The following CEP192 variants were observed in gnomAD, a reference collection of about 807,000 sequenced individuals.
The protein encoded by CEP192 is centrosomal protein 192, also known as centrosomal protein of 192 kDa.
CEP192 carries 151 observed loss-of-function variants against 271.8 expected under a neutral mutation model. The observed-to-expected ratio is 0.56, with a 90% CI of 0.49 to 0.64. CEP192 has a LOEUF of 0.64. Among genes scored for constraint, CEP192 ranks in the 30% least tolerant of loss-of-function variants. CEP192 has a pLI of 0.00. For synonymous variants in CEP192, 995 were observed against 1,076.5 expected (o/e 0.92, Z 1.48); for missense variants, 2,910 against 3,020.5 (o/e 0.96, Z 0.86).
chr18:13,091,789 T>C (rs2039159449), intron 33 of CEP192, among the ~76,000 whole-genome samples: 1 of 152,206 alleles, frequency 6.6e-6, no homozygotes, highest in South Asian at 2.1e-4. Context: ...TTCATTAATC[T>C]ATAAATATTT....
rs2039393129 is a variant in CEP192, at chr18:13,096,246, G to C, written c.6496G>C (p.Glu2166Gln). 6.2e-7 allele frequency: 1 copy of C among 1,614,072 alleles called. No individual in the cohort carries two copies. Among genetic ancestry groups the C allele is most frequent in the African/African-American group, 1.3e-5 (1 of 74,948 alleles). The change falls in exon 36 of 45, where the codon GAG becomes CAG. Residue 2166 changes from glutamate (E) to glutamine (Q), a missense_variant. Glu to Gln is a conservative substitution (Grantham distance 29, BLOSUM62 2). Transcript: ENST00000506447. Reference protein sequence around the residue: ...VNNSVRLLRFELCWPAHCLTV... With the variant: ...VNNSVRLLRFQLCWPAHCLTV... ...TAACTCTGTGAGGTTACTGAGATTT[G>C]AGCTGTGCTGGCCAGCGCATTGCCT...
At chr18:13,102,343 G>T (rs2039748299) in intron 38 of CEP192, among the ~76,000 whole-genome samples, 1 of 151,884 alleles carries the variant, frequency 6.6e-6, no homozygotes, top group African/African-American at 2.4e-5. Context: ...GGCTTCCTGT[G>T]GTCCCCTCTC....
intron 30 of CEP192, among the ~76,000 whole-genome samples, chr18:13,081,232 T>C (rs2038590247): frequency 6.6e-6 from 1 of 152,248 alleles, no homozygotes; most frequent in Admixed American, 6.5e-5. Context: ...CTCCTCTTTG[T>C]ACCTCTGGTA....
intron 42 of CEP192, among the ~76,000 whole-genome samples, chr18:13,114,497 A>G (rs1598642072): frequency 6.6e-6 from 1 of 152,116 alleles, no homozygotes; most frequent in Non-Finnish European, 1.5e-5. Context: ...ATGTATGTAT[A>G]TATTCTTTGT....
chr18:13,019,028 T>G, intron 8 of CEP192, 54 bp from the exon 9 acceptor site: 1 of 1,444,636 alleles, frequency 6.9e-7, no homozygotes, highest in South Asian at 1.4e-5. Flanking sequence ...AGTTATTATG[T>G]TAGATTACTC....
intron 36 of CEP192, 137 bp downstream of exon 36, chr18:13,096,444 G>A (rs947043104): frequency 1.9e-6 from 2 of 1,070,870 alleles, no homozygotes; most frequent in African/African-American, 1.6e-5. Flanking sequence ...GCATGTGCAT[G>A]GTTCTGCAGG....
intron 33 of CEP192, 45 bp from the exon 34 acceptor site, chr18:13,092,332 C>T (rs771942128): frequency 2.9e-4 from 379 of 1,308,856 alleles, no homozygotes; most frequent in Non-Finnish European, 3.8e-4. Flanking sequence ...TTGTGGTATG[C>T]TTGTGTGAAC....
intron 44 of CEP192, among the ~76,000 whole-genome samples, chr18:13,118,103 TC>T (rs1367268631): frequency 6.6e-6 from 1 of 152,200 alleles, no homozygotes; most frequent in Non-Finnish European, 1.5e-5. Context: ...TCCTTACTGT[TC>T]TTAATCAGGG....
At chr18:12,995,198 AC>A (rs1303262088) in intron 1 of CEP192, among the ~76,000 whole-genome samples, 3 of 151,492 alleles carry the variant, frequency 2.0e-5, no homozygotes, top group Non-Finnish European at 4.4e-5. Flanking sequence ...AGTAGCTGGG[AC>A]TACAGGCGCC....
rs141203873 is a variant in CEP192, at chr18:13,096,299, C to T, written c.6549C>T (p.Val2183=). ...CAGTCACGCCGCAGCATGGATGTGT[C>T]GCGCCAGAGTAAGTCTGACTTCTGT... ...CLTVTPQHGC[V]APESKLQILV... is the part of the protein sequence containing the mutation. Residue 2183 remains valine, a synonymous_variant, in exon 36 of 45, where the codon GTC becomes GTT. Transcript: ENST00000506447. 391 of 1,613,268 alleles carry T rather than the reference C, an allele frequency of 2.4e-4. 3 individuals are homozygous for T. The African/African-American group carries it at 4.6e-3, about 19-fold the overall frequency.
At chr18:13,079,710 C>T (rs1340858356) in intron 30 of CEP192, among the ~76,000 whole-genome samples, 1 of 152,160 alleles carries the variant, frequency 6.6e-6, no homozygotes, top group East Asian at 1.9e-4. Context: ...AAGTCCTTGC[C>T]CATACCTATG....
At position 13,057,576 on chromosome 18, in the gene CEP192, C is replaced by G; in HGVS notation, c.4109-9C>G. On this transcript the variant is annotated splice_polypyrimidine_tract_variant and intron_variant, in intron 19 of 44. Coordinates refer to ENST00000506447, the MANE Select transcript of CEP192 (RefSeq NM_032142.4). Reference sequence around the variant, plus strand: ...CTTGCATTTTTGACTGTGCCTTATTCTCACCCAGGGAGTGTCCGAGTGCCC... The same window carrying G: ...CTTGCATTTTTGACTGTGCCTTATTGTCACCCAGGGAGTGTCCGAGTGCCC... The G allele has an allele frequency of 1.2e-6, 2 of 1,612,080 alleles. No homozygotes were observed. The highest frequency in any genetic ancestry group is 2.7e-5 in the African/African-American group (2 of 74,968).
intron 30 of CEP192, among the ~76,000 whole-genome samples, chr18:13,075,720 T>C (rs1476094083): frequency 3.3e-5 from 5 of 152,156 alleles, no homozygotes; most frequent in Non-Finnish European, 4.4e-5. Context: ...AGATGGTGGA[T>C]TGTCACATTT....
intron 14 of CEP192, among the ~76,000 whole-genome samples, chr18:13,041,878 G>T (rs1374785176): frequency 6.6e-6 from 1 of 152,082 alleles, no homozygotes; most frequent in African/African-American, 2.4e-5. Context: ...GAAGTACTCA[G>T]TTTTAAATTC....
chr18:13,080,575 A>G (rs1191664054), intron 30 of CEP192, among the ~76,000 whole-genome samples: 2 of 152,038 alleles, frequency 1.3e-5, no homozygotes, highest in Non-Finnish European at 2.9e-5. Context: ...CAATCATGTC[A>G]TCTGCAAACA....
chr18:13,114,278 G>A (rs761526295), intron 42 of CEP192, 27 bp downstream of exon 42: 1 of 1,606,950 alleles, frequency 6.2e-7, no homozygotes, highest in Admixed American at 1.7e-5. Flanking sequence ...ATTCTTATGA[G>A]TTTTTTCCCA....
At chr18:13,007,105 G>A (rs976021727) in intron 3 of CEP192, among the ~76,000 whole-genome samples, 1 of 152,022 alleles carries the variant, frequency 6.6e-6, no homozygotes, top group East Asian at 1.9e-4. Context: ...CTGCTTCCGG[G>A]CCCTTCTGTT....
intron 44 of CEP192, among the ~76,000 whole-genome samples, chr18:13,119,668 G>T (rs2040578624): frequency 6.6e-6 from 1 of 152,172 alleles, no homozygotes; most frequent in African/African-American, 2.4e-5. Flanking sequence ...CTTGAACCTG[G>T]GAGGCAGTTG....
At chr18:13,029,626 G>T (rs1391611670) in intron 9 of CEP192, 37 bp from the exon 10 acceptor site, 25 of 1,258,492 alleles carry the variant, frequency 2.0e-5, no homozygotes, top group Non-Finnish European at 1.1e-6. Context: ...AAGACTTACT[G>T]TTGCTCTGTT....
Sources: allele counts gnomAD v4.1 joint callset (sites outside exome capture counted in the v4.1 genomes callset), GRCh38; gene constraint gnomAD v4.1.1; transcripts MANE v1.5; gene names NCBI Gene and HGNC (gene_info 2026-07-23, HGNC 2026-07-21).